NAV3: variants seen among roughly 807,000 people sequenced by gnomAD.
NAV3 encodes neuron navigator 3.
In NAV3, 87 loss-of-function variants were observed where a neutral mutation model predicts 244.7. The ratio of observed to expected loss-of-function variants is 0.36; its 90% CI spans 0.30 to 0.42. The LOEUF (loss-of-function observed/expected upper bound fraction) is 0.42. Among genes scored for constraint, NAV3 ranks in the 20% least tolerant of loss-of-function variants. The pLI is 1.00. For synonymous variants in NAV3, 1,126 were observed against 1,042.2 expected (o/e 1.08, Z -1.55); for missense variants, 2,663 against 2,893.3 (o/e 0.92, Z 1.83).
At chr12:77,769,925 A>G (rs1274852261) in intron 2 of NAV3, among the ~76,000 whole-genome samples, 1 of 152,214 alleles carries the variant, frequency 6.6e-6, no homozygotes, top group African/African-American at 2.4e-5. Flanking sequence ...TGACCAGGTA[A>G]CTAGGATATT....
intron 19 of NAV3, among the ~76,000 whole-genome samples, chr12:78,138,627 C>T (rs1316705877): frequency 6.6e-6 from 1 of 152,036 alleles, no homozygotes; most frequent in Non-Finnish European, 1.5e-5. Context: ...ATGTAAGGAC[C>T]CTGCTTTCTG....
upstream of NAV3, among the ~76,000 whole-genome samples, chr12:77,829,778 C>T (rs891308580): frequency 1.3e-5 from 2 of 152,148 alleles, no homozygotes; most frequent in Non-Finnish European, 2.9e-5. Context: ...TAGTTATTGG[C>T]TCTTTCATCT....
At chr12:77,900,664 T>C (rs537777029) in intron 1 of NAV3, among the ~76,000 whole-genome samples, 25 of 152,336 alleles carry the variant, frequency 1.6e-4, no homozygotes, top group Admixed American at 1.2e-3. Flanking sequence ...TGAATAGTGC[T>C]GCGATTAACA....
intron 2 of NAV3, among the ~76,000 whole-genome samples, chr12:77,747,440 G>A (rs867039759): frequency 6.6e-6 from 1 of 152,212 alleles, no homozygotes; most frequent in Non-Finnish European, 1.5e-5. Flanking sequence ...TGGTGGGACT[G>A]TAAACTAGTT....
intron 2 of NAV3, among the ~76,000 whole-genome samples, chr12:77,676,242 C>T (rs751741610): frequency 6.6e-5 from 10 of 151,992 alleles, no homozygotes; most frequent in Non-Finnish European, 1.3e-4. Context: ...GCTCTCCCTT[C>T]CCTTGCCCCC....
Position 78,188,271 on chromosome 12 carries a change from G to A in NAV3, c.5814G>A (p.Leu1938=), listed in dbSNP as rs751707040. The A allele has an allele frequency of 4.3e-6, 7 of 1,611,248 alleles. No individual in the cohort carries two copies. In the South Asian group the frequency reaches 7.7e-5, roughly 18 times the overall value. ...AGGACCAAAAATCTCAGGCATATTT[G>A]ATAGGATCCATTGGTGTTAGTGGAA... ...RAKDQKSQAY[L]IGSIGVSGKT... is the part of the protein sequence containing the mutation. Residue 1938 remains leucine, a synonymous_variant, in exon 32 of 40, where the codon TTG becomes TTA. Coordinates refer to ENST00000397909, the MANE Select transcript of NAV3 (RefSeq NM_001024383.2).
intron 1 of NAV3, among the ~76,000 whole-genome samples, chr12:77,840,198 A>G (rs1875400388): frequency 6.6e-6 from 1 of 152,236 alleles, no homozygotes. Flanking sequence ...ATAAACCTAC[A>G]GGTTACTCAC....
intron 2 of NAV3, among the ~76,000 whole-genome samples, chr12:77,694,189 G>A (rs1023919286): frequency 1.1e-4 from 17 of 151,806 alleles, no homozygotes; most frequent in Admixed American, 9.9e-4. Flanking sequence ...CTCTTTGGCC[G>A]GGCATGGTGG....
At chr12:78,054,822 A>G (rs1883248528) in intron 11 of NAV3, among the ~76,000 whole-genome samples, 6 of 152,114 alleles carry the variant, frequency 3.9e-5, no homozygotes, top group Admixed American at 3.9e-4. Context: ...CGAGAGAGAG[A>G]GGATTTTTTG....
chr12:78,177,719 G>A, intron 28 of NAV3, 34 bp downstream of exon 28: 1 of 1,580,736 alleles, frequency 6.3e-7, no homozygotes, highest in Non-Finnish European at 8.6e-7. Flanking sequence ...ATACTGCAAA[G>A]ATCCAGGTTC....
At chr12:77,863,178 A>G (rs1879503757) in intron 1 of NAV3, among the ~76,000 whole-genome samples, 2 of 151,884 alleles carry the variant, frequency 1.3e-5, no homozygotes, top group African/African-American at 2.4e-5. Flanking sequence ...CTGTCCAAAT[A>G]TTACAGAAAG....
chr12:78,200,625 T>TAAAAA, intron 38 of NAV3, 34 bp downstream of exon 38: 12 of 1,036,780 alleles, frequency 1.2e-5, no homozygotes, highest in Middle Eastern at 3.5e-4. Context: ...TATTTTTTTT[T>TAAAAA]AAAAAAAAAA....
chr12:78,200,614 C>T (rs1204529173), intron 38 of NAV3, 23 bp downstream of exon 38: 1 of 1,245,114 alleles, frequency 8.0e-7, no homozygotes, highest in Non-Finnish European at 1.1e-6. Flanking sequence ...ATTTTCATTG[C>T]TATTTTTTTT....
At chr12:77,973,743 A>T (rs1893208485) in intron 5 of NAV3, among the ~76,000 whole-genome samples, 1 of 152,168 alleles carries the variant, frequency 6.6e-6, no homozygotes, top group Non-Finnish European at 1.5e-5. Context: ...TGAGAAGTAT[A>T]TAAGGAAGTT....
intron 2 of NAV3, among the ~76,000 whole-genome samples, chr12:77,671,661 G>T (rs921703001): frequency 6.6e-6 from 1 of 152,054 alleles, no homozygotes; most frequent in Non-Finnish European, 1.5e-5. Flanking sequence ...CGCAGAGTGG[G>T]GAAAGGACAC....
At chr12:78,053,790 C>T (rs1355775707) in intron 11 of NAV3, among the ~76,000 whole-genome samples, 1 of 152,112 alleles carries the variant, frequency 6.6e-6, no homozygotes, top group African/African-American at 2.4e-5. Flanking sequence ...TAGCTGGAAA[C>T]GTCTGAGACT....
At chr12:77,580,187 T>G (rs1194225419) in intron 2 of NAV3, among the ~76,000 whole-genome samples, 1 of 150,312 alleles carries the variant, frequency 6.7e-6, no homozygotes, top group Non-Finnish European at 1.5e-5. Flanking sequence ...CCCCTAAAAG[T>G]GAAGACTTTC....
intron 2 of NAV3, among the ~76,000 whole-genome samples, chr12:77,774,503 G>T (rs988733616): frequency 7.9e-5 from 12 of 152,118 alleles, no homozygotes; most frequent in African/African-American, 2.9e-4. Context: ...GGTATACATG[G>T]AGGATTCCTT....
intron 2 of NAV3, among the ~76,000 whole-genome samples, chr12:77,619,188 G>A (rs181343408): frequency 8.5e-5 from 13 of 152,220 alleles, no homozygotes; most frequent in Middle Eastern, 6.8e-3. Context: ...ACTGCCAACC[G>A]TGATTCTTTG....
Sources: allele counts gnomAD v4.1 joint callset (sites outside exome capture counted in the v4.1 genomes callset), GRCh38; gene constraint gnomAD v4.1.1; transcripts MANE v1.5; gene names NCBI Gene and HGNC (gene_info 2026-07-23, HGNC 2026-07-21).